The following SAMD12 variants were observed in gnomAD, a reference collection of about 807,000 sequenced individuals.
The protein encoded by SAMD12 is sterile alpha motif domain-containing protein 12.
Under a neutral mutation model 15.0 loss-of-function variants are expected in SAMD12, and 9 were observed. That is an observed-to-expected ratio of 0.60 (90% CI 0.36 to 1.05). SAMD12 has a LOEUF of 1.05. Among genes scored for constraint, SAMD12 ranks in the 50% least tolerant of loss-of-function variants. The pLI is 0.01. For missense variants in SAMD12, 230 were observed against 234.2 expected (o/e 0.98, Z 0.12); for synonymous variants, 86 against 90.1 (o/e 0.96, Z 0.25).
intron 1 of SAMD12, among the ~76,000 whole-genome samples, chr8:118,586,206 C>T (rs7843450): frequency 0.097 from 14,736 of 152,138 alleles, 823 homozygotes; most frequent in South Asian, 0.15. Flanking sequence ...ACATCATATG[C>T]TCTTCCTTTC....
chr8:118,548,313 A>G (rs1826189615), intron 2 of SAMD12, among the ~76,000 whole-genome samples: 1 of 151,844 alleles, frequency 6.6e-6, no homozygotes. Flanking sequence ...TAGATATATG[A>G]TTCCTTCCCT....
intron 2 of SAMD12, among the ~76,000 whole-genome samples, chr8:118,486,223 G>T (rs1824276701): frequency 6.6e-6 from 1 of 151,872 alleles, no homozygotes; most frequent in Non-Finnish European, 1.5e-5. Context: ...GACCATCCTG[G>T]CTAACACGGT....
At chr8:118,495,515 C>T (rs1824582656) in intron 2 of SAMD12, among the ~76,000 whole-genome samples, 1 of 150,398 alleles carries the variant, frequency 6.6e-6, no homozygotes, top group African/African-American at 2.4e-5. Flanking sequence ...CATTTTGATA[C>T]TACAGGAAGA....
At chr8:118,391,940 T>TA (rs869057300) in intron 3 of SAMD12, among the ~76,000 whole-genome samples, 3,330 of 141,110 alleles carry the variant, frequency 0.024, 69 homozygotes, top group African/African-American at 0.054. Context: ...AAGTTCTGGT[T>TA]AAAAAAAAAA....
chr8:118,391,900 T>C (rs780473611), intron 3 of SAMD12, among the ~76,000 whole-genome samples: 4 of 150,752 alleles, frequency 2.7e-5, no homozygotes, highest in East Asian at 2.0e-4. Flanking sequence ...TCTGTAGCCA[T>C]GACCATGAAG....
chr8:118,585,353 C>G (rs1054138769), intron 1 of SAMD12, among the ~76,000 whole-genome samples: 23 of 152,090 alleles, frequency 1.5e-4, no homozygotes, highest in African/African-American at 5.1e-4. Context: ...TGAAAACTCT[C>G]TGGAGATGGA....
intron 2 of SAMD12, among the ~76,000 whole-genome samples, chr8:118,527,518 T>C (rs997071751): frequency 2.6e-5 from 4 of 152,324 alleles, no homozygotes; most frequent in Admixed American, 6.5e-5. Flanking sequence ...GATGATAAAA[T>C]TGTATTTTTT....
chr8:118,323,664 G>A (rs978822848), intron 4 of SAMD12, among the ~76,000 whole-genome samples: 1 of 152,128 alleles, frequency 6.6e-6, no homozygotes, highest in Non-Finnish European at 1.5e-5. Context: ...AGCTACTCAA[G>A]AGGCTGAGGT....
chr8:118,290,915 C>A lies in SAMD12; in HGVS notation c.433+88645G>T, dbSNP rs151126539. On this transcript the variant is annotated intron_variant, in intron 4 of 4. Coordinates refer to the SAMD12 transcript ENST00000409003. ...AACTGTTTTATTTACTAAATGCATG[C>A]CTTTACAACTCTTACAGAGAGAACA... 2.6e-3 allele frequency among the ~76,000 whole-genome samples: 388 copies of A among 152,122 alleles called. 2 individuals are homozygous for A. The highest frequency in any genetic ancestry group is 0.01 in the Middle Eastern group (3 of 294).
chr8:118,480,793 C>T (rs1409032236), intron 2 of SAMD12, among the ~76,000 whole-genome samples: 1 of 152,228 alleles, frequency 6.6e-6, no homozygotes, highest in Non-Finnish European at 1.5e-5. Flanking sequence ...CACCTCTGGA[C>T]TTGGCTCCAG....
intron 4 of SAMD12, among the ~76,000 whole-genome samples, chr8:118,269,505 C>G (rs917534951): frequency 2.6e-5 from 4 of 151,978 alleles, no homozygotes; most frequent in Admixed American, 2.6e-4. Flanking sequence ...ATGCCCAGGC[C>G]CCCTTTTCAC....
At chr8:118,472,989 CCTCT>C in intron 2 of SAMD12, among the ~76,000 whole-genome samples, 1 of 152,116 alleles carries the variant, frequency 6.6e-6, no homozygotes, top group East Asian at 1.9e-4. Flanking sequence ...ATTTTTAGTC[CCTCT>C]CTGAGTCCCA....
At chr8:118,232,391 T>G (rs966538250) in intron 4 of SAMD12, among the ~76,000 whole-genome samples, 3 of 151,810 alleles carry the variant, frequency 2.0e-5, no homozygotes, top group African/African-American at 4.8e-5. Flanking sequence ...TCAGCAGAAG[T>G]AAAGCCCAGG....
intron 2 of SAMD12, among the ~76,000 whole-genome samples, chr8:118,567,533 G>A (rs906178488): frequency 6.6e-6 from 1 of 152,132 alleles, no homozygotes; most frequent in Non-Finnish European, 1.5e-5. Flanking sequence ...AGTTAGACAT[G>A]TGAATACTTA....
chr8:118,244,951 A>G (rs1421063940), intron 4 of SAMD12, among the ~76,000 whole-genome samples: 1 of 152,162 alleles, frequency 6.6e-6, no homozygotes. Flanking sequence ...TTCCTGGCAC[A>G]CATTCTCAAT....
At chr8:118,343,658 C>T (rs748495118) in intron 4 of SAMD12, among the ~76,000 whole-genome samples, 3 of 152,184 alleles carry the variant, frequency 2.0e-5, no homozygotes, top group Non-Finnish European at 4.4e-5. Flanking sequence ...TTACCTCATC[C>T]TGGCCCTGAA....
chr8:118,373,001 T>C (rs1819184778), downstream of SAMD12, among the ~76,000 whole-genome samples: 3 of 152,030 alleles, frequency 2.0e-5, no homozygotes, highest in South Asian at 6.2e-4. Flanking sequence ...CTGGTAGTAA[T>C]AAAAGGAGCT....
chr8:118,518,789 G>A (rs566907142), intron 2 of SAMD12, among the ~76,000 whole-genome samples: 1 of 152,236 alleles, frequency 6.6e-6, no homozygotes, highest in Admixed American at 6.5e-5. Flanking sequence ...AGTACCACCA[G>A]GTCTTTCTGA....
intron 2 of SAMD12, among the ~76,000 whole-genome samples, chr8:118,553,935 C>T (rs1179718035): frequency 2.0e-5 from 3 of 151,902 alleles, no homozygotes; most frequent in Admixed American, 6.6e-5. Context: ...TGAAAAAATG[C>T]TCACCATCAC....
Sources: gnomAD v4.1 joint callset for allele counts (sites outside exome capture counted in the v4.1 genomes callset) on GRCh38, gnomAD v4.1.1 for gene constraint, MANE v1.5 for transcripts, NCBI Gene and HGNC (gene_info 2026-07-23, HGNC 2026-07-21) for gene names.